The following CDH18 variants were observed in gnomAD, a reference collection of about 807,000 sequenced individuals.
The protein encoded by CDH18 is cadherin 18, also known as cadherin-18.
In CDH18, 31 loss-of-function variants were observed where a neutral mutation model predicts 67.9. The ratio of observed to expected loss-of-function variants is 0.46; its 90% confidence interval spans 0.34 to 0.62. The LOEUF is 0.62. CDH18 is among the 20% of genes least tolerant of loss of function. CDH18 has a pLI of 0.01. For synonymous variants in CDH18, 362 were observed against 347.2 expected, an observed-to-expected ratio of 1.04 and a Z score of -0.48; for missense variants, 890 against 975.5, an observed-to-expected ratio of 0.91 and a Z score of 1.17.
intron 10 of CDH18, among the ~76,000 whole-genome samples, chr5:19,504,683 T>A (rs1454999870): frequency 1.3e-5 from 2 of 152,102 alleles, no homozygotes; most frequent in African/African-American, 4.8e-5. Context: ...CACATACAAA[T>A]ATATAATGTT....
At chr5:20,245,724 G>A (rs1286856884) in intron 2 of CDH18, among the ~76,000 whole-genome samples, 2 of 151,936 alleles carry the variant, frequency 1.3e-5, no homozygotes, top group African/African-American at 2.4e-5. Context: ...ATAAAAACAC[G>A]CATATAATGC....
At chr5:20,262,021 A>G (rs1744697076) in intron 1 of CDH18, among the ~76,000 whole-genome samples, 1 of 152,236 alleles carries the variant, frequency 6.6e-6, no homozygotes, top group African/African-American at 2.4e-5. Flanking sequence ...TTCAGATTGT[A>G]TTGACTGAAT....
intron 2 of CDH18, among the ~76,000 whole-genome samples, chr5:20,188,018 C>T (rs1180068572): frequency 1.3e-5 from 2 of 151,706 alleles, no homozygotes; most frequent in South Asian, 2.1e-4. Context: ...AAATAATTAA[C>T]TTGCAATAAA....
intron 7 of CDH18, among the ~76,000 whole-genome samples, chr5:19,580,922 A>G (rs774114961): frequency 6.6e-6 from 1 of 151,962 alleles, no homozygotes; most frequent in African/African-American, 2.4e-5. Flanking sequence ...ATTCACCATT[A>G]AAAGATACCT....
intron 1 of CDH18, among the ~76,000 whole-genome samples, chr5:19,986,020 A>T (rs1457454477): frequency 6.6e-6 from 1 of 152,204 alleles, no homozygotes; most frequent in Non-Finnish European, 1.5e-5. Flanking sequence ...ACTTGCAAAC[A>T]TGTGGTTTGT....
In CDH18 at chr5:20,157,830, T is replaced by C. The variant is rs370632304; in HGVS notation, c.-518+97614A>G. 1.5e-4 allele frequency among the ~76,000 whole-genome samples: 23 copies of C among 152,014 alleles called. No individual in the cohort carries two copies. The South Asian group carries it at 1.7e-3, about 11-fold the overall frequency. ...CTAATTTTTGTATTTTTAGTAGAGA[T>C]GGGGTTTCACCATGTTGGCCAGGAT... On this transcript the variant is annotated intron_variant, in intron 2 of 14. Transcript: ENST00000507958.
chr5:19,632,167 T>C (rs1752507164), intron 5 of CDH18, among the ~76,000 whole-genome samples: 1 of 152,194 alleles, frequency 6.6e-6, no homozygotes, highest in African/African-American at 2.4e-5. Context: ...AAGAGTACTT[T>C]CTGTTTTTTA....
intron 3 of CDH18, among the ~76,000 whole-genome samples, chr5:19,770,079 C>T (rs557100544): frequency 6.6e-6 from 1 of 151,862 alleles, no homozygotes; most frequent in South Asian, 2.1e-4. Context: ...TAAGTAGTGG[C>T]AAGGGTAAGG....
At chr5:20,139,160 C>T (rs1750010662) in intron 2 of CDH18, among the ~76,000 whole-genome samples, 1 of 152,010 alleles carries the variant, frequency 6.6e-6, no homozygotes, top group Non-Finnish European at 1.5e-5. Flanking sequence ...GAAATAATAC[C>T]ACACATCTAC....
chr5:19,591,144 G>A lies in CDH18; in HGVS notation c.912C>T (p.Thr304=). 1 of 1,612,038 alleles carries A rather than the reference G, an allele frequency of 6.2e-7. No homozygotes were observed. The highest frequency in any genetic ancestry group is 1.3e-5 in the African/African-American group (1 of 74,944). The change falls in exon 7 of 13, where the codon ACC becomes ACT. Residue 304 remains threonine (T), a synonymous_variant. Coordinates refer to ENST00000382275, the MANE Select transcript of CDH18 (RefSeq NM_004934.5). ...TGCCATCACCATTTATGATGGAGTA[G>A]GTCATGTCAGCATTTGAGCCAGTGT... The part of the protein sequence containing the change: ...DADTGSNADM[T]YSIINGDGMG...
At chr5:19,527,780 T>C (rs1421810594) in intron 9 of CDH18, among the ~76,000 whole-genome samples, 1 of 151,810 alleles carries the variant, frequency 6.6e-6, no homozygotes, top group Non-Finnish European at 1.5e-5. Flanking sequence ...ATTTATTACA[T>C]AGTTATCATA....
intron 1 of CDH18, among the ~76,000 whole-genome samples, chr5:20,429,108 TCTC>T (rs1331192580): frequency 6.6e-6 from 1 of 151,880 alleles, no homozygotes; most frequent in African/African-American, 2.4e-5. Flanking sequence ...ATCTAATCTC[TCTC>T]CTCAAGAAAG....
chr5:20,109,744 A>C (rs1268993249), intron 2 of CDH18, among the ~76,000 whole-genome samples: 2 of 152,242 alleles, frequency 1.3e-5, no homozygotes, highest in Non-Finnish European at 2.9e-5. Flanking sequence ...TTGCTTTTGC[A>C]ACAACAAAGG....
At chr5:20,523,693 G>A (rs569903424) in intron 1 of CDH18, among the ~76,000 whole-genome samples, 4 of 152,046 alleles carry the variant, frequency 2.6e-5, no homozygotes, top group African/African-American at 9.6e-5. Context: ...GCATGTGCCA[G>A]CACGCCTGGC....
At chr5:20,023,076 T>C (rs1167093222) in intron 2 of CDH18, among the ~76,000 whole-genome samples, 1 of 152,184 alleles carries the variant, frequency 6.6e-6, no homozygotes, top group African/African-American at 2.4e-5. Flanking sequence ...CCAAACCTAA[T>C]AGAGTATGTT....
chr5:20,123,309 T>A (rs975291221), intron 2 of CDH18, among the ~76,000 whole-genome samples: 1 of 152,128 alleles, frequency 6.6e-6, no homozygotes, highest in African/African-American at 2.4e-5. Context: ...GCAGCTACTG[T>A]GCTCTGAAAC....
At chr5:20,026,611 C>T (rs546822584) in intron 2 of CDH18, among the ~76,000 whole-genome samples, 17 of 152,230 alleles carry the variant, frequency 1.1e-4, no homozygotes, top group Non-Finnish European at 2.1e-4. Flanking sequence ...TGTTTAATGA[C>T]ATTTGGCAGT....
At chr5:19,545,578 T>C (rs1736176317) in intron 8 of CDH18, among the ~76,000 whole-genome samples, 1 of 152,226 alleles carries the variant, frequency 6.6e-6, no homozygotes, top group Non-Finnish European at 1.5e-5. Flanking sequence ...TACAACATAC[T>C]GTTATATATG....
rs111234774 is a variant in CDH18, at chr5:20,453,536, G to C, written c.-580+121926C>G. ...CTATCAATCAATCAACCTGTCTATA[G>C]ATATGTGTGTATATGTATGTGTGTG... On this transcript the variant is annotated intron_variant, in intron 1 of 14. Coordinates refer to the CDH18 transcript ENST00000507958. Among the ~76,000 whole-genome samples the C allele has an allele frequency of 7.8e-3, 1,181 of 151,306 alleles. 13 individuals are homozygous for C. The highest frequency in any genetic ancestry group is 0.027 in the African/African-American group (1,114 of 41,288).
Sources: gnomAD v4.1 joint callset for allele counts (sites outside exome capture counted in the v4.1 genomes callset) on GRCh38, gnomAD v4.1.1 for gene constraint, MANE v1.5 for transcripts, NCBI Gene and HGNC (gene_info 2026-07-23, HGNC 2026-07-21) for gene names.